SIPA1L3: variants seen among roughly 807,000 people sequenced by gnomAD.
SIPA1L3 encodes signal induced proliferation associated 1 like 3.
In SIPA1L3, 59 loss-of-function variants were observed where a neutral mutation model predicts 150.1. That is an observed-to-expected ratio of 0.39 (90% confidence interval 0.32 to 0.49). The LOEUF is 0.49. Ranked by LOEUF, SIPA1L3 falls within the 20% of genes least tolerant of loss-of-function variation. The pLI is 0.86. For synonymous variants in SIPA1L3, 1,070 were observed against 1,077.6 expected, an observed-to-expected ratio of 0.99 and a Z score of 0.14; for missense variants, 2,211 against 2,489.5, an observed-to-expected ratio of 0.89 and a Z score of 2.38.
intron 8 of SIPA1L3, among the ~76,000 whole-genome samples, chr19:38,115,636 C>T (rs1005603429): frequency 1.3e-5 from 2 of 152,182 alleles, no homozygotes; most frequent in Non-Finnish European, 2.9e-5. Flanking sequence ...CCCTAGTCGG[C>T]TGCTACCTGT....
chr19:38,043,265 G>A (rs1968967340), intron 2 of SIPA1L3, among the ~76,000 whole-genome samples: 1 of 152,160 alleles, frequency 6.6e-6, no homozygotes, highest in Non-Finnish European at 1.5e-5. Context: ...GCTTGAACCT[G>A]GGAGGCGGAG....
intron 1 of SIPA1L3, among the ~76,000 whole-genome samples, chr19:37,946,277 CTTCT>C (rs1359025039): frequency 1.3e-5 from 2 of 151,910 alleles, no homozygotes; most frequent in African/African-American, 4.9e-5. Flanking sequence ...GCTCACACTG[CTTCT>C]TTCCCTCCCC....
chr19:38,043,392 AAGCG>A (rs770077857), intron 2 of SIPA1L3, among the ~76,000 whole-genome samples: 21 of 152,078 alleles, frequency 1.4e-4, no homozygotes, highest in African/African-American at 4.6e-4. Context: ...AATAGAGAAA[AAGCG>A]AGAGAAAGAA....
intron 16 of SIPA1L3, among the ~76,000 whole-genome samples, chr19:38,187,877 G>T (rs1372748534): frequency 6.6e-6 from 1 of 151,306 alleles, no homozygotes; most frequent in Non-Finnish European, 1.5e-5. Context: ...GGTGCCTGTA[G>T]TCTCAGCTAT....
At chr19:37,911,462 A>T (rs1381515869) in intron 1 of SIPA1L3, among the ~76,000 whole-genome samples, 1 of 151,068 alleles carries the variant, frequency 6.6e-6, no homozygotes, top group Non-Finnish European at 1.5e-5. Context: ...ACCACGCTTT[A>T]TTCCAGCATT....
At position 38,065,234 on chromosome 19, in the gene SIPA1L3, G is replaced by A. The variant is rs949364607; in HGVS notation, c.-310-16022G>A. On this transcript the variant is annotated intron_variant, in intron 2 of 21. Transcript: ENST00000222345. ...CATTGGCTCTGCGTGGGAGCCTGTC[G>A]CCAGGCCACGGAGGACTCTGCCTTT... 1.2e-4 allele frequency among the ~76,000 whole-genome samples: 18 copies of A among 152,088 alleles called. No individual in the cohort carries two copies. The South Asian group carries it at 1.2e-3, about 11-fold the overall frequency.
chr19:37,952,597 C>T (rs960233123), intron 1 of SIPA1L3, among the ~76,000 whole-genome samples: 5 of 152,138 alleles, frequency 3.3e-5, no homozygotes, highest in South Asian at 4.1e-4. Flanking sequence ...TCCTTGAACC[C>T]GGGTGGTGAA....
chr19:37,999,307 G>A (rs1024614693), intron 1 of SIPA1L3, among the ~76,000 whole-genome samples: 1 of 152,168 alleles, frequency 6.6e-6, no homozygotes, highest in African/African-American at 2.4e-5. Flanking sequence ...TTTTACCATG[G>A]GGTGGAGGGA....
chr19:38,100,770 C>T (rs1221728202), intron 5 of SIPA1L3, among the ~76,000 whole-genome samples: 1 of 152,242 alleles, frequency 6.6e-6, no homozygotes, highest in Non-Finnish European at 1.5e-5. Context: ...GCAACAGTCT[C>T]TTTCATGCAA....
At chr19:37,923,766 T>C (rs1684340094) in intron 1 of SIPA1L3, among the ~76,000 whole-genome samples, 1 of 152,152 alleles carries the variant, frequency 6.6e-6, no homozygotes, top group South Asian at 2.1e-4. Context: ...GTTTTTTTTT[T>C]TTCTTTTTTT....
rs761565400 is a variant in SIPA1L3 at position 38,142,696 on chromosome 19, G to C, written c.3519G>C (p.Lys1173Asn). ...GTTCGGCCACCTACGTGAGATACAA[G>C]CCATCCCCAGAAAGGTCAGCCTCCC... is the stretch of plus-strand genomic sequence containing the variant. ...TPGSATYVRY[K>N]PSPERYTAAP... is the part of the protein sequence containing the mutation. Residue 1173 changes from lysine (K) to asparagine (N), a missense_variant, in exon 12 of 22, where the codon AAG becomes AAC. Physicochemically the swap from Lys to Asn is moderately conservative, Grantham distance 94 (BLOSUM62 0). Around this residue, in one of 5 missense-constraint regions of SIPA1L3, gnomAD observed 806 missense variants for 870.1 expected, o/e 0.93. Coordinates refer to ENST00000222345, the MANE Select transcript of SIPA1L3 (RefSeq NM_015073.3). The C allele has an allele frequency of 1.9e-6, 3 of 1,613,506 alleles. No homozygotes were observed. The highest frequency in any genetic ancestry group is 1.7e-5 in the Admixed American group (1 of 59,958).
intron 1 of SIPA1L3, among the ~76,000 whole-genome samples, chr19:37,971,106 AT>A (rs1966920115): frequency 6.6e-6 from 1 of 151,724 alleles, no homozygotes; most frequent in South Asian, 2.1e-4. Context: ...TTAAAAATTT[AT>A]TCCTCCCCCA....
chr19:37,971,640 A>G (rs1966940593), intron 1 of SIPA1L3, among the ~76,000 whole-genome samples: 1 of 151,882 alleles, frequency 6.6e-6, no homozygotes, highest in Non-Finnish European at 1.5e-5. Flanking sequence ...ATCTCGGCTC[A>G]CTGCTACTTC....
At chr19:38,076,035 A>C (rs992181031) in intron 2 of SIPA1L3, among the ~76,000 whole-genome samples, 195 of 150,666 alleles carry the variant, frequency 1.3e-3, no homozygotes, top group Non-Finnish European at 5.5e-4. Flanking sequence ...CAGCCACTCC[A>C]GAGGCTGAGG....
intron 1 of SIPA1L3, among the ~76,000 whole-genome samples, chr19:37,998,979 T>TCACACACACA (rs35998048): frequency 4.1e-5 from 6 of 145,904 alleles, no homozygotes; most frequent in African/African-American, 1.5e-4. Flanking sequence ...GCCCTATCTA[T>TCACACACACA]CACACACACA....
intron 1 of SIPA1L3, among the ~76,000 whole-genome samples, chr19:37,938,777 C>T (rs944321561): frequency 2.6e-5 from 4 of 152,018 alleles, no homozygotes; most frequent in African/African-American, 7.3e-5. Flanking sequence ...CACCTGCCAC[C>T]ACACCCAGCT....
intron 1 of SIPA1L3, among the ~76,000 whole-genome samples, chr19:37,933,686 G>T (rs1021495289): frequency 1.3e-5 from 2 of 152,188 alleles, no homozygotes; most frequent in Admixed American, 1.3e-4. Flanking sequence ...ATGTGCAGAT[G>T]CCTCCCCCTG....
intron 1 of SIPA1L3, among the ~76,000 whole-genome samples, chr19:37,960,854 A>G (rs1198971646): frequency 6.6e-6 from 1 of 150,454 alleles, no homozygotes; most frequent in East Asian, 2.0e-4. Flanking sequence ...GCACCCAGCC[A>G]ATTTTAAAAA....
intron 1 of SIPA1L3, among the ~76,000 whole-genome samples, chr19:37,949,135 C>T (rs929737895): frequency 2.0e-5 from 3 of 152,210 alleles, no homozygotes; most frequent in African/African-American, 4.8e-5. Context: ...GCATCAGGAT[C>T]GATAGGCCTG....
Sources: allele counts gnomAD v4.1 joint callset (sites outside exome capture counted in the v4.1 genomes callset), GRCh38; gene constraint gnomAD v4.1.1; regional missense constraint gnomAD v4.1.1; transcripts MANE v1.5; gene names NCBI Gene and HGNC (gene_info 2026-07-23, HGNC 2026-07-21).